Variants in ERBB4 observed in about 807,000 individuals in gnomAD.
The protein encoded by ERBB4 is receptor tyrosine-protein kinase erbB-4.
Under a neutral mutation model 158.0 loss-of-function variants are expected in ERBB4, and 42 were observed. That is an observed-to-expected ratio of 0.27 (90% CI 0.21 to 0.34). ERBB4 has a LOEUF of 0.34. Among genes scored for constraint, ERBB4 ranks in the 10% least tolerant of loss-of-function variants. ERBB4 has a pLI of 1.00. For missense variants in ERBB4, 1,333 were observed against 1,624.1 expected, an observed-to-expected ratio of 0.82 and a Z score of 3.08; for synonymous variants, 583 against 558.7, an observed-to-expected ratio of 1.04 and a Z score of -0.61.
chr2:211,877,883 G>A (rs988434827), intron 3 of ERBB4, among the ~76,000 whole-genome samples: 1 of 152,142 alleles, frequency 6.6e-6, no homozygotes, highest in Non-Finnish European at 1.5e-5. Flanking sequence ...CGAGGCGGGC[G>A]GGTCACCTGA....
At chr2:212,085,608 T>C (rs931419071) in intron 2 of ERBB4, among the ~76,000 whole-genome samples, 21 of 151,872 alleles carry the variant, frequency 1.4e-4, no homozygotes, top group African/African-American at 5.1e-4. Context: ...GTCATCTTCA[T>C]AGCAAAAACT....
intron 1 of ERBB4, among the ~76,000 whole-genome samples, chr2:212,237,289 C>T (rs1000227264): frequency 4.6e-5 from 7 of 152,204 alleles, no homozygotes; most frequent in South Asian, 2.1e-4. Flanking sequence ...TTGATGTTGA[C>T]GCTATTCCTT....
chr2:211,492,340 T>C (rs1469403470), intron 20 of ERBB4, among the ~76,000 whole-genome samples: 1 of 152,158 alleles, frequency 6.6e-6, no homozygotes, highest in Non-Finnish European at 1.5e-5. Context: ...CCCTTGGCCC[T>C]GCCACTTCTA....
intron 3 of ERBB4, among the ~76,000 whole-genome samples, chr2:211,853,637 T>G (rs1401426677): frequency 6.6e-6 from 1 of 152,064 alleles, no homozygotes; most frequent in African/African-American, 2.4e-5. Flanking sequence ...AGTTATTGAC[T>G]GCTAAGCAGA....
intron 2 of ERBB4, among the ~76,000 whole-genome samples, chr2:211,983,999 T>C (rs908343976): frequency 8.5e-5 from 13 of 152,310 alleles, no homozygotes; most frequent in African/African-American, 2.4e-4. Flanking sequence ...GGATAATCTA[T>C]AAACAAGAGA....
intron 25 of ERBB4, among the ~76,000 whole-genome samples, chr2:211,401,966 AT>A (rs1432319762): frequency 1.3e-5 from 2 of 151,578 alleles, no homozygotes; most frequent in African/African-American, 4.8e-5. Flanking sequence ...TACTAGCACA[AT>A]TATAATTTAT....
At chr2:212,520,037 G>T (rs1692067401) in intron 1 of ERBB4, among the ~76,000 whole-genome samples, 1 of 151,502 alleles carries the variant, frequency 6.6e-6, no homozygotes, top group African/African-American at 2.4e-5. Context: ...CATAAATATG[G>T]ACAATTATTA....
At chr2:212,446,851 G>A (rs893150648) in intron 1 of ERBB4, among the ~76,000 whole-genome samples, 1 of 150,546 alleles carries the variant, frequency 6.6e-6, no homozygotes, top group Non-Finnish European at 1.5e-5. Flanking sequence ...GAACTGATAA[G>A]TAATAAGCCT....
intron 25 of ERBB4, among the ~76,000 whole-genome samples, chr2:211,396,920 T>TAACA (rs1441609571): frequency 6.6e-6 from 1 of 152,204 alleles, no homozygotes; most frequent in Admixed American, 6.6e-5. Flanking sequence ...AAAAGATTTC[T>TAACA]AACAGTCCAC....
At chr2:211,629,255 GACAA>G (rs1338335138) in intron 17 of ERBB4, among the ~76,000 whole-genome samples, 46 of 152,148 alleles carry the variant, frequency 3.0e-4, no homozygotes, top group African/African-American at 9.6e-4. Context: ...ACCAATAACA[GACAA>G]ACAGAGAGCC....
Position 211,386,970 on chromosome 2 carries a change from C to T in ERBB4, c.3364G>A (p.Asp1122Asn), listed in dbSNP as rs747886025. ...RKPVAPHVQEDSSTQRYSADP... is the reference protein window; with the variant it reads ...RKPVAPHVQENSSTQRYSADP... ...GCACTGTACCTCTGGGTGCTACTGT[C>T]CTCTTGGACATGGGGTGCCACTGGC... Residue 1122 changes from aspartate to asparagine, a missense_variant, in exon 27 of 28, where the codon GAC becomes AAC. Coordinates refer to ENST00000342788, the MANE Select transcript of ERBB4 (RefSeq NM_005235.3). The T allele has an allele frequency of 6.2e-7, 1 of 1,613,974 alleles. No homozygotes were observed. The highest frequency in any genetic ancestry group is 8.5e-7 in the Non-Finnish European group (1 of 1,180,032).
chr2:212,267,869 A>C (rs564743019), intron 1 of ERBB4, among the ~76,000 whole-genome samples: 1 of 151,904 alleles, frequency 6.6e-6, no homozygotes, highest in South Asian at 2.1e-4. Flanking sequence ...ACCAGAGAGA[A>C]TTATATAGCC....
intron 5 of ERBB4, among the ~76,000 whole-genome samples, chr2:211,733,193 C>T (rs1391432592): frequency 6.6e-6 from 1 of 152,150 alleles, no homozygotes; most frequent in Non-Finnish European, 1.5e-5. Context: ...TTAATAAAGA[C>T]ATGATCAATG....
At chr2:211,986,222 T>C (rs1324591453) in intron 2 of ERBB4, among the ~76,000 whole-genome samples, 3 of 152,166 alleles carry the variant, frequency 2.0e-5, no homozygotes, top group Non-Finnish European at 4.4e-5. Context: ...CATGACTCCT[T>C]GATGTTGGAC....
chr2:211,476,303 G>A (rs1168302800), intron 20 of ERBB4, among the ~76,000 whole-genome samples: 1 of 152,020 alleles, frequency 6.6e-6, no homozygotes. Context: ...AAGATACAAG[G>A]ACATGGTTTG....
intron 3 of ERBB4, among the ~76,000 whole-genome samples, chr2:211,820,945 C>A (rs570515156): frequency 1.3e-5 from 2 of 151,782 alleles, no homozygotes; most frequent in East Asian, 1.9e-4. Flanking sequence ...CAAACTCATA[C>A]GTAACATCAA....
chr2:211,527,123 AAAG>A (rs1346314046), intron 20 of ERBB4, among the ~76,000 whole-genome samples: 1 of 152,136 alleles, frequency 6.6e-6, no homozygotes, highest in Non-Finnish European at 1.5e-5. Context: ...GATTTAACCC[AAAG>A]AAGACTACCT....
intron 19 of ERBB4, among the ~76,000 whole-genome samples, chr2:211,570,334 T>TTTTTTTC (rs1487801467): frequency 6.9e-6 from 1 of 145,798 alleles, no homozygotes; most frequent in African/African-American, 2.5e-5. Context: ...GCTTTTTTTT[T>TTTTTTTC]TTTTTTTTTC....
intron 1 of ERBB4, among the ~76,000 whole-genome samples, chr2:212,389,229 G>C (rs73060372): frequency 0.025 from 3,764 of 152,076 alleles, 169 homozygotes; most frequent in African/African-American, 0.085. Flanking sequence ...TAAAAGAGGA[G>C]ACAAAAAGTA....
Sources: gnomAD v4.1 joint callset for allele counts (sites outside exome capture counted in the v4.1 genomes callset) on GRCh38, gnomAD v4.1.1 for gene constraint, MANE v1.5 for transcripts, NCBI Gene and HGNC (gene_info 2026-07-23, HGNC 2026-07-21) for gene names.